Variants in C14orf132 observed in about 807,000 individuals in gnomAD.
The protein encoded by C14orf132 is uncharacterized protein C14orf132.
A neutral mutation model predicts 5.8 loss-of-function variants in C14orf132; 6 were observed. The observed-to-expected ratio is 1.03, with a 90% CI of 0.57 to 2.04. The LOEUF (loss-of-function observed/expected upper bound fraction) is 2.04. C14orf132 is among the 30% of genes most tolerant of loss of function. The probability of loss-of-function intolerance (pLI) is 0.00; values close to 1 mark genes in which losing one functional copy is unlikely to be tolerated. For synonymous variants in C14orf132, 51 were observed against 49.8 expected, an observed-to-expected ratio of 1.02 and a Z score of -0.10; for missense variants, 125 against 115.8, an observed-to-expected ratio of 1.08 and a Z score of -0.37.
chr14:96,047,411 G>A (rs540302238), intron 1 of C14orf132, among the ~76,000 whole-genome samples: 1 of 152,184 alleles, frequency 6.6e-6, no homozygotes, highest in African/African-American at 2.4e-5. Flanking sequence ...TGTGTGCTCT[G>A]TCCTGCTCAG....
At chr14:96,083,449 G>T (rs1316892681) in intron 1 of C14orf132, among the ~76,000 whole-genome samples, 1 of 152,202 alleles carries the variant, frequency 6.6e-6, no homozygotes, top group Non-Finnish European at 1.5e-5. Context: ...GGACTTTGCA[G>T]GTGTGATTAA....
chr14:96,083,577 C>T (rs1888090960), intron 1 of C14orf132, among the ~76,000 whole-genome samples: 1 of 152,174 alleles, frequency 6.6e-6, no homozygotes, highest in African/African-American at 2.4e-5. Flanking sequence ...GAAGATATTA[C>T]ACTACTGGCT....
intron 1 of C14orf132, among the ~76,000 whole-genome samples, chr14:96,069,690 C>T (rs1887647548): frequency 6.6e-6 from 1 of 152,152 alleles, no homozygotes; most frequent in Non-Finnish European, 1.5e-5. Flanking sequence ...CAGGGACCTC[C>T]ATGAGTTACT....
At chr14:96,056,415 C>T (rs1278204688) in intron 1 of C14orf132, among the ~76,000 whole-genome samples, 2 of 152,214 alleles carry the variant, frequency 1.3e-5, no homozygotes. Flanking sequence ...GGTGAGGAAC[C>T]TCCTCCTTCT....
chr14:96,069,256 C>CATATATATATATATATAT (rs55648129), intron 1 of C14orf132, among the ~76,000 whole-genome samples: 1 of 95,268 alleles, frequency 1.0e-5, no homozygotes. Context: ...TGTTTATGTT[C>CATATATATATATATATAT]ATATATATAT....
intron 1 of C14orf132, among the ~76,000 whole-genome samples, chr14:96,076,056 C>G (rs769645504): frequency 3.9e-5 from 6 of 151,958 alleles, no homozygotes; most frequent in Non-Finnish European, 8.8e-5. Context: ...GATTTTTTCC[C>G]AGAAGATTTT....
rs1342306094 is a variant in C14orf132, at chr14:96,091,363, A to G, written c.*4628A>G. 3.8e-6 allele frequency: 1 copy of G among 261,384 alleles called. No individual in the cohort carries two copies. The highest frequency in any genetic ancestry group is 7.4e-6 in the Non-Finnish European group (1 of 134,260). The allele number at this position is 261,384 out of a possible 1,614,324, so 16.2% of individuals were successfully genotyped here. Reference sequence around the variant, plus strand: ...GAACCTCACAGTGATAAGAGGCTTTAGAGAGCATCTAATCGAGACCTTTAA... The same window carrying G: ...GAACCTCACAGTGATAAGAGGCTTTGGAGAGCATCTAATCGAGACCTTTAA... On this transcript the variant is annotated 3_prime_UTR_variant, in exon 2 of 2. Transcript: ENST00000555004.
chr14:96,080,997 C>T (rs1370534325), intron 1 of C14orf132, among the ~76,000 whole-genome samples: 1 of 152,200 alleles, frequency 6.6e-6, no homozygotes, highest in Non-Finnish European at 1.5e-5. Context: ...TACCCACTGA[C>T]CAGAATAGGC....
chr14:96,049,948 T>C (rs1200776213), intron 1 of C14orf132, among the ~76,000 whole-genome samples: 1 of 152,112 alleles, frequency 6.6e-6, no homozygotes, highest in Non-Finnish European at 1.5e-5. Context: ...GGATCTTTTA[T>C]ATAAAAACAT....
intron 1 of C14orf132, among the ~76,000 whole-genome samples, chr14:96,050,740 C>A (rs917964381): frequency 6.6e-6 from 1 of 152,058 alleles, no homozygotes; most frequent in Non-Finnish European, 1.5e-5. Context: ...AGGCAGTAAA[C>A]CGGAGCACCT....
At position 96,090,420 on chromosome 14, in the gene C14orf132, A is replaced by G. The variant is rs1888353570; in HGVS notation, c.*3685A>G. On this transcript the variant is annotated 3_prime_UTR_variant, in exon 2 of 2. Transcript: ENST00000555004. ...AAAAAAAAAAAGAAAAGAAAAAAAA[A>G]AAGAGCAACTTACTGCTTTGTGAGG... 1 of 282,694 alleles carries G rather than the reference A, an allele frequency of 3.5e-6. No individual in the cohort carries two copies. 17.5% of individuals were successfully genotyped at this position (282,694 alleles called of 1,614,324 possible).
chr14:96,050,011 C>T (rs1164927379), intron 1 of C14orf132, among the ~76,000 whole-genome samples: 2 of 152,010 alleles, frequency 1.3e-5, no homozygotes, highest in Non-Finnish European at 2.9e-5. Flanking sequence ...GCTTTTTGGA[C>T]ATATGGAATA....
chr14:96,079,284 A>G (rs145898013), intron 1 of C14orf132, among the ~76,000 whole-genome samples: 1 of 152,178 alleles, frequency 6.6e-6, no homozygotes, highest in African/African-American at 2.4e-5. Context: ...GAGGCATTGG[A>G]TGGTTAGTCA....
chr14:96,059,893 T>C (rs931920474), intron 1 of C14orf132, among the ~76,000 whole-genome samples: 5 of 152,212 alleles, frequency 3.3e-5, no homozygotes, highest in Admixed American at 1.3e-4. Context: ...GGGCCAACTG[T>C]TGTTCCCATG....
At position 96,088,607 on chromosome 14, in the gene C14orf132, A is replaced by G. The variant is rs1476988961; in HGVS notation, c.*1872A>G. ...TAACAGATGGATGTCTCCATGAGAA[A>G]ACCCAAGGCGAGAAGCCCAGAGCCA... is the stretch of plus-strand genomic sequence containing the variant. On this transcript the variant is annotated 3_prime_UTR_variant, in exon 2 of 2. Coordinates refer to ENST00000555004, the MANE Select transcript of C14orf132 (RefSeq NM_001252507.3). The G allele has an allele frequency of 6.6e-6, 1 of 152,252 alleles. No individual in the cohort carries two copies. The highest frequency in any genetic ancestry group is 2.4e-5 in the African/African-American group (1 of 41,456). 9.4% of individuals were successfully genotyped at this position (152,252 alleles called of 1,614,324 possible).
rs1656417236 is a variant in C14orf132 at position 96,092,655 on chromosome 14, AC to A, written c.*5922del. The A allele has an allele frequency of 6.6e-6, 1 of 152,144 alleles. No individual in the cohort carries two copies. The highest frequency in any genetic ancestry group is 2.4e-5 in the African/African-American group (1 of 41,430). The allele number at this position is 152,144 out of a possible 1,614,324, so 9.4% of individuals were successfully genotyped here. ...ATATGCTGGCAGAAGGGAGCTTCCA[AC>A]CTTTTAACTTGAGGAAAATGAATCT... On this transcript the variant is annotated 3_prime_UTR_variant, in exon 2 of 2. Transcript: ENST00000555004.
intron 1 of C14orf132, among the ~76,000 whole-genome samples, chr14:96,073,794 C>T (rs10144161): frequency 0.22 from 33,613 of 152,068 alleles, 4,039 homozygotes; most frequent in Non-Finnish European, 0.27. Context: ...AACCCAAATG[C>T]CCATCGATGA....
chr14:96,069,541 A>G (rs957254668), intron 1 of C14orf132, among the ~76,000 whole-genome samples: 7 of 152,092 alleles, frequency 4.6e-5, no homozygotes, highest in Non-Finnish European at 7.4e-5. Flanking sequence ...CAGGGCAGGC[A>G]TGGGATGTGC....
chr14:96,069,977 A>G (rs1192289643), intron 1 of C14orf132, among the ~76,000 whole-genome samples: 2 of 152,218 alleles, frequency 1.3e-5, no homozygotes, highest in African/African-American at 4.8e-5. Context: ...CGTGGAGGAA[A>G]TTCACAGAGC....
Sources: gnomAD v4.1 joint callset for allele counts (sites outside exome capture counted in the v4.1 genomes callset) on GRCh38, gnomAD v4.1.1 for gene constraint, MANE v1.5 for transcripts, NCBI Gene and HGNC (gene_info 2026-07-23, HGNC 2026-07-21) for gene names.